The following PTCD3 variants were observed in gnomAD, a reference collection of about 807,000 sequenced individuals.
PTCD3 encodes the protein pentatricopeptide repeat domain 3.
A neutral mutation model predicts 101.9 loss-of-function variants in PTCD3; 89 were observed. The observed-to-expected ratio is 0.87, with a 90% confidence interval of 0.74 to 1.04. The LOEUF (loss-of-function observed/expected upper bound fraction) is 1.04, where lower values mean the gene tolerates loss of function less well. Among genes scored for constraint, PTCD3 ranks in the 50% least tolerant of loss-of-function variants. The pLI is 0.00. For missense variants in PTCD3, 870 were observed against 828.2 expected, an observed-to-expected ratio of 1.05 and a Z score of -0.62; for synonymous variants, 296 against 278.5, an observed-to-expected ratio of 1.06 and a Z score of -0.63.
In PTCD3 at chr2:86,133,177, G is replaced by C. The variant is rs1165260708; in HGVS notation, c.1374-1G>C. The stretch of plus-strand genomic sequence containing the variant: ...AAACATACTTTTTGCCTTCATCACA[G>C]TTCCAAGTTCTTCGATTTGATTTGT... On this transcript the variant is annotated splice_acceptor_variant, in intron 17 of 23. Transcript: ENST00000254630. LOFTEE classifies it high-confidence loss of function. The C allele has an allele frequency of 6.2e-7, 1 of 1,613,398 alleles. No homozygotes were observed. Among genetic ancestry groups the C allele is most frequent in the East Asian group, 2.2e-5 (1 of 44,862 alleles).
chr2:86,109,299 C>T (rs915098009), intron 3 of PTCD3, among the ~76,000 whole-genome samples: 3 of 150,692 alleles, frequency 2.0e-5, no homozygotes, highest in Admixed American at 6.7e-5. Context: ...CCCAGCTACT[C>T]GGGAGGCTGA....
intron 4 of PTCD3, among the ~76,000 whole-genome samples, chr2:86,114,670 C>T (rs1327509924): frequency 2.0e-5 from 3 of 152,228 alleles, no homozygotes; most frequent in Non-Finnish European, 2.9e-5. Context: ...AATGGCAACT[C>T]CATTCTTATA....
chr2:86,135,762 G>A (rs1674573950), intron 21 of PTCD3: 1 of 366,262 alleles, frequency 2.7e-6, no homozygotes, highest in South Asian at 2.1e-5. Context: ...TTGTCTTTGA[G>A]GTGTGGCTCA....
At chr2:86,120,077 G>C (rs191911868) in intron 7 of PTCD3, among the ~76,000 whole-genome samples, 36 of 152,290 alleles carry the variant, frequency 2.4e-4, no homozygotes, top group African/African-American at 8.7e-4. Flanking sequence ...TGAGAATTTT[G>C]GTGTGTGGCT....
At position 86,123,682 on chromosome 2, in the gene PTCD3, T is replaced by C. The variant is rs938334402; in HGVS notation, c.655-19T>C. The C allele has an allele frequency of 1.3e-6, 2 of 1,565,936 alleles. No individual in the cohort carries two copies. Among genetic ancestry groups the C allele is most frequent in the African/African-American group, 2.7e-5 (2 of 72,904 alleles). ...CCATTGCCTTAACTTTTATTTCTTT[T>C]GATGATTATTCATTTCAGGAAGAGG... On this transcript the variant is annotated intron_variant, in intron 8 of 23. Transcript: ENST00000254630.
At chr2:86,118,887 G>A (rs780521754) in intron 6 of PTCD3, 34 bp from the exon 7 acceptor site, 1 of 1,601,214 alleles carries the variant, frequency 6.2e-7, no homozygotes, top group Non-Finnish European at 8.5e-7. Flanking sequence ...ACCTTTACCT[G>A]TTTGTAGTAA....
At chr2:86,114,422 G>A (rs773402973) in intron 4 of PTCD3, among the ~76,000 whole-genome samples, 2 of 152,082 alleles carry the variant, frequency 1.3e-5, no homozygotes, top group African/African-American at 2.4e-5. Context: ...TGAGTAGCTG[G>A]GACTACAGGC....
intron 4 of PTCD3, among the ~76,000 whole-genome samples, chr2:86,114,863 A>G (rs1241836304): frequency 6.6e-6 from 1 of 152,230 alleles, no homozygotes; most frequent in Non-Finnish European, 1.5e-5. Flanking sequence ...ATCAGTCACA[A>G]GCTTCCAAAA....
At chr2:86,120,584 A>T (rs553039355) in intron 7 of PTCD3, among the ~76,000 whole-genome samples, 6 of 152,018 alleles carry the variant, frequency 3.9e-5, no homozygotes. Context: ...AAATTTATCA[A>T]TGTATTTTGT....
intron 7 of PTCD3, among the ~76,000 whole-genome samples, chr2:86,119,818 ACTT>A (rs568020949): frequency 5.3e-5 from 8 of 152,298 alleles, no homozygotes; most frequent in African/African-American, 1.7e-4. Context: ...ATTTCTCAAA[ACTT>A]CTAGCTCTAA....
chr2:86,131,403 T>G (rs1236054992), intron 16 of PTCD3, among the ~76,000 whole-genome samples: 4 of 152,056 alleles, frequency 2.6e-5, no homozygotes, highest in African/African-American at 9.7e-5. Context: ...CTGGCTAATT[T>G]TTGTATTTTT....
chr2:86,136,946 G>A, intron 22 of PTCD3, 36 bp from the exon 23 acceptor site: 1 of 1,611,502 alleles, frequency 6.2e-7, no homozygotes, highest in South Asian at 1.1e-5. Flanking sequence ...TACTGAAGGG[G>A]CTGGAGAAAG....
chr2:86,133,043 T>C, intron 17 of PTCD3, 135 bp from the exon 18 acceptor site: 15 of 1,395,614 alleles, frequency 1.1e-5, no homozygotes, highest in Non-Finnish European at 1.4e-5. Context: ...AACCAAATAT[T>C]GGCTCGTTTA....
chr2:86,106,281 C>T lies in PTCD3; in HGVS notation c.34C>T (p.Leu12Phe), dbSNP rs761051792. Residue 12 changes from leucine to phenylalanine, a missense_variant, in exon 1 of 24, where the codon CTC (leucine) becomes TTC (phenylalanine). Transcript: ENST00000254630. ...TGTATCTGCTGTTCGCTGGCTGGGC[C>T]TCCGCAGCAGGCTTGGCCAGCCGCT... Reference protein sequence around the residue: ...AVVSAVRWLGLRSRLGQPLTG... With the variant: ...AVVSAVRWLGFRSRLGQPLTG... 22 of 1,613,726 alleles carry T rather than the reference C, an allele frequency of 1.4e-5. No homozygotes were observed. The highest frequency in any genetic ancestry group is 3.3e-4 in the Middle Eastern group (2 of 6,080).
Position 86,119,611 on chromosome 2 carries a change from C to T in PTCD3, c.538+567C>T, listed in dbSNP as rs1024466564. On this transcript the variant is annotated intron_variant, in intron 7 of 23. Transcript: ENST00000254630. The stretch of plus-strand genomic sequence containing the variant: ...GACCTCGTGATCCACCCACCTCGGC[C>T]TCCGTAAGTACTGTGATTACAGGCG... 4 of 153,290 alleles carry T rather than the reference C, an allele frequency of 2.6e-5. No homozygotes were observed. The Admixed American group carries it at 2.6e-4, about 10-fold the overall frequency. 9.5% of individuals were successfully genotyped at this position (153,290 alleles called of 1,614,324 possible).
At chr2:86,116,477 C>A in intron 4 of PTCD3, 53 bp from the exon 5 acceptor site, 3 of 1,418,356 alleles carry the variant, frequency 2.1e-6, no homozygotes, top group Non-Finnish European at 3.0e-6. Flanking sequence ...CTAAAAGTTA[C>A]AGTGAGCTGT....
At chr2:86,130,082 A>G (rs912514487) in intron 14 of PTCD3, among the ~76,000 whole-genome samples, 3 of 152,178 alleles carry the variant, frequency 2.0e-5, no homozygotes, top group Non-Finnish European at 4.4e-5. Context: ...CGGGCAGATC[A>G]CGAGGTCAGG....
Position 86,134,924 on chromosome 2 carries a change from C to T in PTCD3, c.1715C>T (p.Pro572Leu). The change falls in exon 21 of 24, where the codon CCA becomes CTA. Residue 572 changes from proline to leucine, a missense_variant. Physicochemically the swap from Pro to Leu is moderately conservative, Grantham distance 98 (BLOSUM62 -3). Transcript: ENST00000254630. Reference protein sequence around the residue: ...QPIRQTAQDWPATSLNCIAIL... With the variant: ...QPIRQTAQDWLATSLNCIAIL... The stretch of plus-strand genomic sequence containing the variant: ...ATCAGACAGACTGCTCAGGATTGGC[C>T]AGCCACCTCTCTCAACTGTATAGCT... 1 of 1,614,140 alleles carries T rather than the reference C, an allele frequency of 6.2e-7. No individual in the cohort carries two copies. The highest frequency in any genetic ancestry group is 8.5e-7 in the Non-Finnish European group (1 of 1,180,014).
chr2:86,120,711 A>G (rs1046604640), intron 7 of PTCD3, among the ~76,000 whole-genome samples: 8 of 152,204 alleles, frequency 5.3e-5, no homozygotes, highest in Admixed American at 3.3e-4. Context: ...CCTGGGCAAC[A>G]TAGCGAGACC....
Sources: allele counts gnomAD v4.1 joint callset (sites outside exome capture counted in the v4.1 genomes callset), GRCh38; gene constraint gnomAD v4.1.1; transcripts MANE v1.5; gene names NCBI Gene and HGNC (gene_info 2026-07-23, HGNC 2026-07-21).